Variants in ZNF91 observed in about 807,000 individuals in gnomAD.
ZNF91 encodes zinc finger protein 91 (HPF7, HTF10).
A neutral mutation model predicts 12.6 loss-of-function variants in ZNF91; 7 were observed. The observed-to-expected ratio is 0.55, with a 90% CI of 0.31 to 1.04. ZNF91 has a LOEUF of 1.04. Among genes scored for constraint, ZNF91 ranks in the 50% least tolerant of loss-of-function variants. The probability of loss-of-function intolerance (pLI) is 0.05; values close to 1 mark genes in which losing one functional copy is unlikely to be tolerated. For synonymous variants in ZNF91, 453 were observed against 462.6 expected, an observed-to-expected ratio of 0.98 and a Z score of 0.27; for missense variants, 1,217 against 1,385.4, an observed-to-expected ratio of 0.88 and a Z score of 1.93.
intron 3 of ZNF91, among the ~76,000 whole-genome samples, chr19:23,346,011 G>A (rs974031877): frequency 2.6e-5 from 4 of 151,810 alleles, no homozygotes; most frequent in African/African-American, 9.7e-5. Flanking sequence ...TTGCTCAGGC[G>A]CCACCTTTAG....
At chr19:23,346,277 C>T (rs1410196733) in intron 3 of ZNF91, among the ~76,000 whole-genome samples, 1 of 152,042 alleles carries the variant, frequency 6.6e-6, no homozygotes, top group Non-Finnish European at 1.5e-5. Context: ...AGACGAGGAC[C>T]GTATCTAGAC....
At chr19:23,318,459 T>C (rs2145852489) in intron 1 of ZNF91, among the ~76,000 whole-genome samples, 1 of 152,332 alleles carries the variant, frequency 6.6e-6, no homozygotes, top group East Asian at 1.9e-4. Context: ...GATGTGTCTC[T>C]GGACCCAACG....
chr19:23,393,954 C>A (rs891086306), intron 1 of ZNF91, among the ~76,000 whole-genome samples: 3 of 152,058 alleles, frequency 2.0e-5, no homozygotes, highest in Admixed American at 6.5e-5. Flanking sequence ...GAGCCTAGTG[C>A]GTCACTGCAC....
intron 3 of ZNF91, among the ~76,000 whole-genome samples, chr19:23,371,105 C>A (rs946275959): frequency 6.6e-5 from 10 of 152,218 alleles, no homozygotes; most frequent in African/African-American, 2.4e-4. Context: ...CTTTGGGAGG[C>A]CACGGCAGGC....
chr19:23,332,279 A>G (rs1967940736), intron 1 of ZNF91, among the ~76,000 whole-genome samples: 1 of 152,212 alleles, frequency 6.6e-6, no homozygotes, highest in Admixed American at 6.5e-5. Flanking sequence ...CACACTCACC[A>G]TGATGGCAGT....
upstream of ZNF91, among the ~76,000 whole-genome samples, chr19:23,310,911 G>C (rs1255293583): frequency 6.6e-6 from 1 of 152,128 alleles, no homozygotes; most frequent in Non-Finnish European, 1.5e-5. Context: ...CAAATTACTT[G>C]GACTATTACC....
intron 1 of ZNF91, chr19:23,324,245 T>A (rs1230602315): frequency 6.6e-6 from 1 of 151,854 alleles, no homozygotes; most frequent in African/African-American, 2.4e-5. Flanking sequence ...GTTGTCCCCC[T>A]CTCCTTTTTT....
intron 1 of ZNF91, among the ~76,000 whole-genome samples, chr19:23,330,521 C>T (rs1164934095): frequency 3.3e-5 from 5 of 152,096 alleles, no homozygotes; most frequent in Non-Finnish European, 7.4e-5. Flanking sequence ...GTAACCTGAA[C>T]ATCCCTTTGG....
At chr19:23,315,680 G>A (rs781326867) in intron 1 of ZNF91, among the ~76,000 whole-genome samples, 4 of 152,122 alleles carry the variant, frequency 2.6e-5, no homozygotes, top group Non-Finnish European at 4.4e-5. Context: ...CTGCCCATGG[G>A]TGTGATTGTG....
intron 1 of ZNF91, among the ~76,000 whole-genome samples, chr19:23,379,424 GA>G: frequency 6.6e-6 from 1 of 152,272 alleles, no homozygotes. Flanking sequence ...CACAGTAATA[GA>G]ACAGAAAGAA....
Position 23,369,274 on chromosome 19 carries a change from C to T in ZNF91, c.253+4468G>A, listed in dbSNP as rs576193823. ...GGAGTGTGATAGGATCGTGCCATTG[C>T]ACTCCACCCTGGGCGACAGAGCAAG... On this transcript the variant is annotated intron_variant, in intron 3 of 3. Transcript: ENST00000300619. Among the ~76,000 whole-genome samples, 7 of 152,004 alleles carry T rather than the reference C, an allele frequency of 4.6e-5. No homozygotes were observed. In the South Asian group the frequency reaches 1.5e-3, roughly 32 times the overall value.
chr19:23,385,248 C>T (rs1287571037), intron 1 of ZNF91: 1 of 547,346 alleles, frequency 1.8e-6, no homozygotes, highest in East Asian at 2.9e-5. Flanking sequence ...ATATTGGGCC[C>T]TCACTTTTGG....
downstream of ZNF91, among the ~76,000 whole-genome samples, chr19:23,333,840 A>C (rs1967963058): frequency 6.6e-6 from 1 of 152,210 alleles, no homozygotes; most frequent in African/African-American, 2.4e-5. Flanking sequence ...GTGGAAAGCA[A>C]TGTGGATTAG....
intron 1 of ZNF91, among the ~76,000 whole-genome samples, chr19:23,387,939 C>A (rs1969930143): frequency 5.0e-5 from 3 of 59,610 alleles, no homozygotes; most frequent in South Asian, 1.2e-3. Flanking sequence ...GTGAGACTGT[C>A]TCAAAAAAAA....
intron 3 of ZNF91, among the ~76,000 whole-genome samples, chr19:23,369,689 T>G (rs1279569802): frequency 6.6e-6 from 1 of 152,076 alleles, no homozygotes; most frequent in Non-Finnish European, 1.5e-5. Context: ...GGGATGCTGT[T>G]GATCTATGAC....
chr19:23,374,866 C>CT, intron 1 of ZNF91, 102 bp from the exon 2 acceptor site: 1 of 1,532,042 alleles, frequency 6.5e-7, no homozygotes, highest in Non-Finnish European at 8.8e-7. Flanking sequence ...CTGGTTCTGA[C>CT]TTATAAGAGT....
chr19:23,360,994 T>C lies in ZNF91; in HGVS notation c.1985A>G (p.Glu662Gly). 1 of 1,613,610 alleles carries C rather than the reference T, an allele frequency of 6.2e-7. No homozygotes were observed. Among genetic ancestry groups the C allele is most frequent in the Non-Finnish European group, 8.5e-7 (1 of 1,179,640 alleles). ...GGAATTGCTAAAAGCTTTGCCACAT[T>C]CTTTACATTTGTAGGGTTTCTCTCC... ...HTGEKPYKCK[E>G]CGKAFSNSST... is the part of the protein sequence containing the mutation. Residue 662 changes from glutamate (E) to glycine (G), a missense_variant, in exon 4 of 4, where the codon GAA (glutamate) becomes GGA (glycine). Transcript: ENST00000300619.
At position 23,382,344 on chromosome 19, in the gene ZNF91, GGT is replaced by G. The variant is rs1229931736; in HGVS notation, c.31-7582_31-7581del. Among the ~76,000 whole-genome samples, 15 of 152,184 alleles carry G rather than the reference GGT, an allele frequency of 9.9e-5. No individual in the cohort carries two copies. In the East Asian group the frequency reaches 2.9e-3, roughly 29 times the overall value. Reference sequence around the variant, plus strand: ...TGGAAGAAAAAACAGAAGAGAGAAAGGTGTTACATAAAATTCATAGGTTCAGA... The same window carrying G: ...TGGAAGAAAAAACAGAAGAGAGAAAGGTTACATAAAATTCATAGGTTCAGA... On this transcript the variant is annotated intron_variant, in intron 1 of 3. Coordinates refer to ENST00000300619, the MANE Select transcript of ZNF91 (RefSeq NM_003430.4).
At chr19:23,355,705 C>A (rs57868659), downstream of ZNF91, among the ~76,000 whole-genome samples, 670 of 152,190 alleles carry the variant, frequency 4.4e-3, 4 homozygotes, top group African/African-American at 0.015. Flanking sequence ...ATCTATACAT[C>A]TGACAATGGA....
Sources: gnomAD v4.1 joint callset for allele counts (sites outside exome capture counted in the v4.1 genomes callset) on GRCh38, gnomAD v4.1.1 for gene constraint, MANE v1.5 for transcripts, NCBI Gene and HGNC (gene_info 2026-07-23, HGNC 2026-07-21) for gene names.